Variants in TACC1 observed in about 807,000 individuals in gnomAD.
TACC1 encodes transforming acidic coiled-coil-containing protein 1.
In TACC1, 48 loss-of-function variants were observed where a neutral mutation model predicts 84.4. The observed-to-expected ratio is 0.57, with a 90% CI of 0.45 to 0.72. TACC1 has a LOEUF of 0.72. Among genes scored for constraint, TACC1 ranks in the 30% least tolerant of loss-of-function variants. The pLI is 0.00. For missense variants in TACC1, 920 were observed against 973.0 expected, an observed-to-expected ratio of 0.95 and a Z score of 0.72; for synonymous variants, 372 against 376.3, an observed-to-expected ratio of 0.99 and a Z score of 0.13.
intron 3 of TACC1, among the ~76,000 whole-genome samples, chr8:38,764,678 A>C (rs1811881651): frequency 6.6e-6 from 1 of 152,124 alleles, no homozygotes; most frequent in Non-Finnish European, 1.5e-5. Flanking sequence ...GAAAATGCTA[A>C]GGTCTTGGCC....
At chr8:38,813,952 T>C (rs1824843670) in intron 2 of TACC1, among the ~76,000 whole-genome samples, 2 of 152,194 alleles carry the variant, frequency 1.3e-5, no homozygotes, top group Admixed American at 6.5e-5. Flanking sequence ...TTTGTGGGCA[T>C]TGAAAAGTCC....
At chr8:38,838,681 G>A in intron 8 of TACC1, 135 bp downstream of exon 8, 1 of 664,670 alleles carries the variant, frequency 1.5e-6, no homozygotes, top group South Asian at 1.9e-5. Flanking sequence ...TTTGCACCTT[G>A]CTTTGTGATT....
Position 38,799,266 on chromosome 8 carries a change from A to G in TACC1, c.277+10447A>G, listed in dbSNP as rs543905245. On this transcript the variant is annotated intron_variant, in intron 2 of 12. Transcript: ENST00000317827. ...CGTTAGCCTAGAGCTGAGCTGCGGC[A>G]TCACTGAACAATTAGCTAGGCCTTC... Among the ~76,000 whole-genome samples the G allele has an allele frequency of 1.3e-4, 20 of 152,354 alleles. No individual in the cohort carries two copies. The East Asian group carries it at 3.9e-3, about 29-fold the overall frequency.
rs947214598 is a variant in TACC1, at chr8:38,787,236, G to C, written c.-347G>C. 4.0e-6 allele frequency: 4 copies of C among 1,010,754 alleles called. No homozygotes were observed. The highest frequency in any genetic ancestry group is 4.6e-5 in the South Asian group (1 of 21,620). The allele number at this position is 1,010,754 out of a possible 1,614,324, so 62.6% of individuals were successfully genotyped here. A position where few individuals can be genotyped will look rare whatever the true frequency, so the allele number is the denominator to read the frequency against. ...GCGCGCCCCGCCGGCCGGGAGGCGGGAGTCCGCGAGCCGGGAGCGGGAGCA... is the reference window on the plus strand; with the variant it reads ...GCGCGCCCCGCCGGCCGGGAGGCGGCAGTCCGCGAGCCGGGAGCGGGAGCA... On this transcript the variant is annotated 5_prime_UTR_variant, in exon 1 of 13. Transcript: ENST00000317827.
Position 38,788,837 on chromosome 8 carries a change from T to C in TACC1, c.277+18T>C, listed in dbSNP as rs1471878270. ...AAGCCAAGGTAAAGAAAAACTTGCA[T>C]TTTTCCTGCCTGTTTTGTTTCAAAA... On this transcript the variant is annotated intron_variant, in intron 2 of 12. Transcript: ENST00000317827. The C allele has an allele frequency of 6.4e-7, 1 of 1,569,356 alleles. No individual in the cohort carries two copies.
At chr8:38,775,872 C>T (rs10086394) in intron 3 of TACC1, among the ~76,000 whole-genome samples, 43,932 of 152,092 alleles carry the variant, frequency 0.29, 7,088 homozygotes, top group African/African-American at 0.41. Flanking sequence ...AGGATAAACT[C>T]GCTCTTGCTT....
chr8:38,746,586 C>T (rs1808128251), intron 3 of TACC1, among the ~76,000 whole-genome samples: 1 of 152,188 alleles, frequency 6.6e-6, no homozygotes, highest in Non-Finnish European at 1.5e-5. Context: ...TTTTTCCACT[C>T]TGTTACTCAT....
intron 3 of TACC1, among the ~76,000 whole-genome samples, chr8:38,777,099 T>A (rs1292383445): frequency 1.3e-5 from 2 of 151,628 alleles, no homozygotes; most frequent in African/African-American, 4.8e-5. Flanking sequence ...CTACTAAAAA[T>A]ACAAAAATCA....
At chr8:38,800,248 A>G (rs1050784516) in intron 2 of TACC1, among the ~76,000 whole-genome samples, 16 of 152,336 alleles carry the variant, frequency 1.1e-4, no homozygotes, top group Admixed American at 5.9e-4. Context: ...TTTTAAAAAT[A>G]GTTTTATTGA....
intron 3 of TACC1, among the ~76,000 whole-genome samples, chr8:38,759,187 T>TA (rs1055654313): frequency 2.0e-5 from 3 of 152,222 alleles, no homozygotes; most frequent in Non-Finnish European, 4.4e-5. Flanking sequence ...GGAGATCTTT[T>TA]ATCTGTTCCT....
intron 8 of TACC1, chr8:38,839,869 A>G (rs1644565330): frequency 5.7e-6 from 1 of 175,276 alleles, no homozygotes; most frequent in Non-Finnish European, 1.2e-5. Context: ...GGAAGAGCCC[A>G]GAAGAATATC....
At position 38,787,368 on chromosome 8, in the gene TACC1, C is replaced by G. The variant is rs1409519753; in HGVS notation, c.-215C>G. On this transcript the variant is annotated 5_prime_UTR_variant, in exon 1 of 13. Coordinates refer to ENST00000317827, the MANE Select transcript of TACC1 (RefSeq NM_006283.3). ...GGCGCGGGGCCCGCTGCGGCCGCAC[C>G]GTGAGGGGAGGAGGCCGAGGAGGAC... The G allele has an allele frequency of 2.9e-5, 38 of 1,327,926 alleles. No homozygotes were observed. Among genetic ancestry groups the G allele is most frequent in the Non-Finnish European group, 3.4e-5 (36 of 1,044,934 alleles). 82.3% of individuals were successfully genotyped at this position (1,327,926 alleles called of 1,614,324 possible).
intron 5 of TACC1, among the ~76,000 whole-genome samples, chr8:38,828,805 A>G (rs1408941091): frequency 6.6e-6 from 1 of 152,218 alleles, no homozygotes; most frequent in African/African-American, 2.4e-5. Context: ...GAACCTCATC[A>G]TTAGTAAATG....
chr8:38,786,646 C>T (rs1399450505), upstream of TACC1, among the ~76,000 whole-genome samples: 1 of 152,068 alleles, frequency 6.6e-6, no homozygotes, highest in African/African-American at 2.4e-5. Context: ...GAAGCCTCCC[C>T]GAGTGCGGTT....
chr8:38,735,033 T>A (rs1805696216), intron 1 of TACC1, among the ~76,000 whole-genome samples: 1 of 152,222 alleles, frequency 6.6e-6, no homozygotes, highest in Non-Finnish European at 1.5e-5. Context: ...CACGTGCTTG[T>A]TCAGATGCAA....
At chr8:38,842,590 C>A in intron 10 of TACC1, 143 bp downstream of exon 10, 1 of 948,292 alleles carries the variant, frequency 1.1e-6, no homozygotes, top group Non-Finnish European at 1.5e-6. Context: ...ATCCTCTATT[C>A]CAGTGAAGCT....
chr8:38,797,668 T>C (rs1289695356), intron 2 of TACC1, among the ~76,000 whole-genome samples: 1 of 152,244 alleles, frequency 6.6e-6, no homozygotes, highest in Non-Finnish European at 1.5e-5. Context: ...TGGTTGCTAC[T>C]TTGTGAGAGA....
intron 2 of TACC1, among the ~76,000 whole-genome samples, chr8:38,807,239 G>A (rs1237098701): frequency 3.9e-5 from 6 of 152,124 alleles, no homozygotes; most frequent in African/African-American, 1.4e-4. Context: ...AGGTGGAGAG[G>A]GCTGAAAATT....
chr8:38,745,304 CAA>C, exon 3 of TACC1: 1 of 523,736 alleles, frequency 1.9e-6, no homozygotes, highest in Non-Finnish European at 3.4e-6. Context: ...ACCTGCAAAA[CAA>C]AGGAAAAACA....
Sources: allele counts gnomAD v4.1 joint callset (sites outside exome capture counted in the v4.1 genomes callset), GRCh38; gene constraint gnomAD v4.1.1; transcripts MANE v1.5; gene names NCBI Gene and HGNC (gene_info 2026-07-23, HGNC 2026-07-21).